CFAP95: variants seen among roughly 807,000 people sequenced by gnomAD.
CFAP95 encodes cilia and flagella associated protein 95, also known as cilia- and flagella-associated protein 95.
the CFAP95 span, among the ~76,000 whole-genome samples, chr9:69,903,874 G>A: frequency 2.7e-3 from 407 of 152,086 alleles, no homozygotes; most frequent in African/African-American, 9.4e-3. Context: ...CTACAAGAAC[G>A]TGTCATCATG....
the CFAP95 span, among the ~76,000 whole-genome samples, chr9:69,831,390 G>A: frequency 2.6e-5 from 4 of 152,000 alleles, no homozygotes; most frequent in Non-Finnish European, 5.9e-5. Flanking sequence ...TTTAAAAAAA[G>A]CACTAAGCTT....
chr9:69,873,048 G>C, the CFAP95 span, among the ~76,000 whole-genome samples: 1 of 152,320 alleles, frequency 6.6e-6, no homozygotes, highest in South Asian at 2.1e-4. Context: ...TGGAAGGAAT[G>C]TGTAGGTGGC....
chr9:69,866,693 G>T, the CFAP95 span, among the ~76,000 whole-genome samples: 2 of 152,206 alleles, frequency 1.3e-5, no homozygotes, highest in African/African-American at 4.8e-5. Context: ...GGCTATCTGG[G>T]CATTCTTTGG....
At chr9:69,858,512 G>A in the CFAP95 span, among the ~76,000 whole-genome samples, 1 of 152,178 alleles carries the variant, frequency 6.6e-6, no homozygotes, top group African/African-American at 2.4e-5. Context: ...AGAGCAAGAA[G>A]GTTGTGATGT....
At chr9:69,843,630 C>CGT in the CFAP95 span, among the ~76,000 whole-genome samples, 41 of 52,894 alleles carry the variant, frequency 7.8e-4, 3 homozygotes, top group East Asian at 3.4e-3. Context: ...TCTTCTTCTT[C>CGT]CTCCTCCTCC....
chr9:69,852,210 G>A, the CFAP95 span, among the ~76,000 whole-genome samples: 1 of 152,004 alleles, frequency 6.6e-6, no homozygotes, highest in Middle Eastern at 3.4e-3. Context: ...CAGTTGGTAG[G>A]GGGAATGCTG....
At chr9:69,835,861 A>G in the CFAP95 span, among the ~76,000 whole-genome samples, 11 of 152,332 alleles carry the variant, frequency 7.2e-5, no homozygotes, top group Admixed American at 5.2e-4. Context: ...ACATACAACC[A>G]CAGAAACCCT....
chr9:69,895,363 CTCTCTCTG>C, the CFAP95 span, among the ~76,000 whole-genome samples: 737 of 90,168 alleles, frequency 8.2e-3, 10 homozygotes, highest in African/African-American at 0.027. Flanking sequence ...CTCTCTCTCT[CTCTCTCTG>C]TGTGTGTGTG....
At chr9:69,876,835 A>G in the CFAP95 span, among the ~76,000 whole-genome samples, 1 of 152,066 alleles carries the variant, frequency 6.6e-6, no homozygotes, top group Non-Finnish European at 1.5e-5. Context: ...GGGTTTCACC[A>G]TGTTGGCCAG....
chr9:69,874,530 G>A, the CFAP95 span, among the ~76,000 whole-genome samples: 2 of 152,288 alleles, frequency 1.3e-5, no homozygotes, highest in African/African-American at 4.8e-5. Context: ...GAGTACTGGA[G>A]TGCCTCATGG....
At chr9:69,827,955 G>C in the CFAP95 span, among the ~76,000 whole-genome samples, 1 of 152,130 alleles carries the variant, frequency 6.6e-6, no homozygotes, top group Admixed American at 6.5e-5. Context: ...GCCCAGGATG[G>C]TTTACTCTCA....
the CFAP95 span, among the ~76,000 whole-genome samples, chr9:69,829,970 T>C: frequency 1.3e-5 from 2 of 152,150 alleles, no homozygotes; most frequent in Non-Finnish European, 2.9e-5. Context: ...CAGAATGAAT[T>C]AACTCAGGAT....
chr9:69,887,326 A>G, the CFAP95 span, among the ~76,000 whole-genome samples: 2 of 152,244 alleles, frequency 1.3e-5, no homozygotes, highest in Non-Finnish European at 2.9e-5. Context: ...ATTATGCAAC[A>G]GAAACAAAAC....
chr9:69,837,583 T>C, the CFAP95 span, among the ~76,000 whole-genome samples: 2 of 152,132 alleles, frequency 1.3e-5, no homozygotes, highest in African/African-American at 4.8e-5. Flanking sequence ...GGGTTGTTTG[T>C]TTTTTTCTTG....
At chr9:69,856,862 C>G in the CFAP95 span, among the ~76,000 whole-genome samples, 1 of 151,094 alleles carries the variant, frequency 6.6e-6, no homozygotes, top group Admixed American at 6.6e-5. Context: ...CAATTGTTTA[C>G]CAATCAACTC....
At chr9:69,894,006 G>C in the CFAP95 span, among the ~76,000 whole-genome samples, 1 of 152,050 alleles carries the variant, frequency 6.6e-6, no homozygotes, top group African/African-American at 2.4e-5. Flanking sequence ...AGGAGGGAAG[G>C]GTCTTATAAT....
chr9:69,904,232 G>T, the CFAP95 span, among the ~76,000 whole-genome samples: 3 of 152,084 alleles, frequency 2.0e-5, no homozygotes, highest in African/African-American at 7.2e-5. Context: ...TCCCATTCCT[G>T]TCAATCACCA....
chr9:69,845,377 A>T, the CFAP95 span, among the ~76,000 whole-genome samples: 1 of 152,174 alleles, frequency 6.6e-6, no homozygotes, highest in Non-Finnish European at 1.5e-5. Flanking sequence ...GCCTCGGGGC[A>T]TGAAGAGCTG....
chr9:69,835,784 T>C, the CFAP95 span, among the ~76,000 whole-genome samples: 113 of 152,256 alleles, frequency 7.4e-4, no homozygotes, highest in African/African-American at 2.6e-3. Flanking sequence ...CAAAACAATA[T>C]GAAAGGTGCG....
Sources: allele counts gnomAD v4.1 joint callset (sites outside exome capture counted in the v4.1 genomes callset), GRCh38; gene constraint gnomAD v4.1.1; transcripts MANE v1.5; gene names NCBI Gene and HGNC (gene_info 2026-07-23, HGNC 2026-07-21).